The following TBC1D16 variants were observed in gnomAD, a reference collection of about 807,000 sequenced individuals.
TBC1D16 encodes the protein CTD-2529O21.1.
A neutral mutation model predicts 74.7 loss-of-function variants in TBC1D16; 58 were observed. That is an observed-to-expected ratio of 0.78 (90% confidence interval 0.63 to 0.97). The LOEUF (loss-of-function observed/expected upper bound fraction) is 0.97, where lower values mean the gene tolerates loss of function less well. Among genes scored for constraint, TBC1D16 ranks in the 50% least tolerant of loss-of-function variants. The pLI, the probability that TBC1D16 is intolerant of heterozygous loss-of-function variation, is 0.00. For synonymous variants in TBC1D16, 493 were observed against 474.7 expected (o/e 1.04, Z -0.50); for missense variants, 1,014 against 1,079.5 (o/e 0.94, Z 0.85).
intron 3 of TBC1D16, among the ~76,000 whole-genome samples, chr17:79,982,171 G>C (rs2034613894): frequency 1.4e-5 from 2 of 141,794 alleles, no homozygotes; most frequent in Non-Finnish European, 1.5e-5. Context: ...TTTTGAGACC[G>C]AGTCTCACTC....
chr17:79,945,942 C>A (rs1296421548), intron 9 of TBC1D16, among the ~76,000 whole-genome samples: 2 of 152,260 alleles, frequency 1.3e-5, no homozygotes, highest in African/African-American at 4.8e-5. Context: ...GGAGACTGCG[C>A]TGAAGCTGTG....
At position 79,944,893 on chromosome 17, in the gene TBC1D16, C is replaced by G. The variant is rs1193217246; in HGVS notation, c.1908+15G>C. Reference sequence around the variant, plus strand: ...TGGTCCCAACCTCCCCAGCCCTGGCCCCTGCCCTGGTCACCTGGTAGTGGG... The same window carrying G: ...TGGTCCCAACCTCCCCAGCCCTGGCGCCTGCCCTGGTCACCTGGTAGTGGG... On this transcript the variant is annotated intron_variant, in intron 10 of 11. Coordinates refer to ENST00000310924, the MANE Select transcript of TBC1D16 (RefSeq NM_019020.4). This position sits in a 1 kb window ranked among gnomAD's most constrained non-coding sequence, Gnocchi z 7.7. 1.3e-6 allele frequency: 2 copies of G among 1,546,734 alleles called. No homozygotes were observed. Among genetic ancestry groups the G allele is most frequent in the African/African-American group, 2.7e-5 (2 of 73,150 alleles).
intron 3 of TBC1D16, among the ~76,000 whole-genome samples, chr17:79,995,299 CA>C (rs1006495494): frequency 5.0e-4 from 69 of 137,732 alleles, no homozygotes; most frequent in East Asian, 3.0e-3. Flanking sequence ...GACTCCGTTT[CA>C]AAAAAAAAAA....
intron 1 of TBC1D16, among the ~76,000 whole-genome samples, chr17:80,023,659 C>CCCG (rs2036368768): frequency 9.0e-6 from 1 of 111,284 alleles, no homozygotes; most frequent in Non-Finnish European, 2.0e-5. Flanking sequence ...GCTGCCGGGC[C>CCCG]CCCCCCCACC....
rs200859232 is a variant in TBC1D16 at position 79,942,175 on chromosome 17, G to A, written c.1940C>T (p.Ala647Val). Residue 647 changes from alanine (A) to valine (V), a missense_variant, in exon 11 of 12, where the codon GCC becomes GTC. Ala to Val is a moderately conservative substitution (Grantham distance 64, BLOSUM62 0). Coordinates refer to ENST00000310924, the MANE Select transcript of TBC1D16 (RefSeq NM_019020.4). ...GTCATCCCCGTAGATGGCCACGATGGCCACGCAGATGAAAAGGTGGAAGTA... is the reference window on the plus strand; with the variant it reads ...GTCATCCCCGTAGATGGCCACGATGACCACGCAGATGAAAAGGTGGAAGTA... ...TDYFHLFICV[A>V]IVAIYGDDVI... 4 of 1,607,250 alleles carry A rather than the reference G, an allele frequency of 2.5e-6. No individual in the cohort carries two copies. In the East Asian group the frequency reaches 6.7e-5, roughly 27 times the overall value.
In TBC1D16 at chr17:79,941,488, C is replaced by T. The variant is rs916753784; in HGVS notation, c.2056-381G>A. ...TCTCTTCTTCCCCCGCACCTTGCTC[C>T]ACCCCCCACCCCCAGCAGCCTCTCA... On this transcript the variant is annotated intron_variant, in intron 11 of 11. Coordinates refer to ENST00000310924, the MANE Select transcript of TBC1D16 (RefSeq NM_019020.4). The surrounding 1 kb of genome is among the most constrained non-coding windows in gnomAD (Gnocchi z 4.3). Among the ~76,000 whole-genome samples, 5 of 152,106 alleles carry T rather than the reference C, an allele frequency of 3.3e-5. No homozygotes were observed. Among genetic ancestry groups the T allele is most frequent in the African/African-American group, 9.7e-5 (4 of 41,418 alleles).
chr17:79,944,193 G>A lies in TBC1D16; in HGVS notation c.1908+715C>T, dbSNP rs2032303221. 6.0e-6 allele frequency: 9 copies of A among 1,509,394 alleles called. No homozygotes were observed. Among genetic ancestry groups the A allele is most frequent in the South Asian group, 2.4e-5 (2 of 83,448 alleles). 93.5% of individuals were successfully genotyped at this position (1,509,394 alleles called of 1,614,324 possible). A position where few individuals can be genotyped will look rare whatever the true frequency, so the allele number is the denominator to read the frequency against. On this transcript the variant is annotated intron_variant, in intron 10 of 11. Coordinates refer to ENST00000310924, the MANE Select transcript of TBC1D16 (RefSeq NM_019020.4). This position sits in a 1 kb window ranked among gnomAD's most constrained non-coding sequence, Gnocchi z 7.7. Reference sequence around the variant, plus strand: ...GCCTCCATCTTCAGGGTTCTCTGACGGAGGCTGCTGGAGCTGCCGTGGTGG... The same window carrying A: ...GCCTCCATCTTCAGGGTTCTCTGACAGAGGCTGCTGGAGCTGCCGTGGTGG...
rs962113763 is a variant in TBC1D16 at position 79,940,194 on chromosome 17, A to G, written c.*665T>C. ...TGTACCAGGAGGACGAAATGTTTAA[A>G]CGGATAAACATTACAAGCGCCAGCT... On this transcript the variant is annotated 3_prime_UTR_variant, in exon 12 of 12. Coordinates refer to ENST00000310924, the MANE Select transcript of TBC1D16 (RefSeq NM_019020.4). This position sits in a 1 kb window ranked among gnomAD's most constrained non-coding sequence, Gnocchi z 5.4. 1.3e-5 allele frequency: 2 copies of G among 151,902 alleles called. No individual in the cohort carries two copies. Among genetic ancestry groups the G allele is most frequent in the Non-Finnish European group, 2.9e-5 (2 of 67,978 alleles). The allele number at this position is 151,902 out of a possible 1,614,324, so 9.4% of individuals were successfully genotyped here.
rs377597591 is a variant in TBC1D16, at chr17:79,945,237, C to T, written c.1729-150G>A. 699 of 813,532 alleles carry T rather than the reference C, an allele frequency of 8.6e-4. 11 individuals are homozygous for T. In the South Asian group the frequency reaches 0.011, roughly 13 times the overall value. The allele number at this position is 813,532 out of a possible 1,614,324, so 50.4% of individuals were successfully genotyped here. ...CTACCTGCTGCATGTGCCTGCCCCC[C>T]CAACGCTCCATTCCGCCGCTGGAAT... On this transcript the variant is annotated intron_variant, in intron 9 of 11. Coordinates refer to ENST00000310924, the MANE Select transcript of TBC1D16 (RefSeq NM_019020.4).
intron 1 of TBC1D16, among the ~76,000 whole-genome samples, chr17:80,013,941 T>C (rs894773818): frequency 6.6e-6 from 1 of 152,144 alleles, no homozygotes; most frequent in Admixed American, 6.5e-5. Context: ...ACAGAAACTC[T>C]GTTCCCACCT....
Position 79,938,970 on chromosome 17 carries a change from G to A in TBC1D16, c.*1889C>T, listed in dbSNP as rs79477525. 2,260 of 152,862 alleles carry A rather than the reference G, an allele frequency of 0.015. 65 individuals carry two copies. The highest frequency in any genetic ancestry group is 0.05 in the African/African-American group (2,078 of 41,572). The allele number at this position is 152,862 out of a possible 1,614,324, so 9.5% of individuals were successfully genotyped here. On this transcript the variant is annotated 3_prime_UTR_variant, in exon 12 of 12. Coordinates refer to ENST00000310924, the MANE Select transcript of TBC1D16 (RefSeq NM_019020.4). Reference sequence around the variant, plus strand: ...GCCCTAAACAAACAAGCCCAGCCTAGACCAGAAGAATCACCCTGCCCAGAC... The same window carrying A: ...GCCCTAAACAAACAAGCCCAGCCTAAACCAGAAGAATCACCCTGCCCAGAC...
Position 79,941,473 on chromosome 17 carries a change from C to T in TBC1D16, c.2056-366G>A, listed in dbSNP as rs1362341467. Among the ~76,000 whole-genome samples, 1 of 152,144 alleles carries T rather than the reference C, an allele frequency of 6.6e-6. No homozygotes were observed. Among genetic ancestry groups the T allele is most frequent in the Non-Finnish European group, 1.5e-5 (1 of 68,012 alleles). ...CTTTGGCAGCACCCCTCTCTTCTTC[C>T]CCCGCACCTTGCTCCACCCCCCACC... On this transcript the variant is annotated intron_variant, in intron 11 of 11. Coordinates refer to ENST00000310924, the MANE Select transcript of TBC1D16 (RefSeq NM_019020.4). The surrounding 1 kb of genome is among the most constrained non-coding windows in gnomAD (Gnocchi z 4.3).
intron 3 of TBC1D16, among the ~76,000 whole-genome samples, chr17:79,996,986 C>G (rs534161464): frequency 1.3e-5 from 2 of 152,262 alleles, no homozygotes; most frequent in African/African-American, 4.8e-5. Flanking sequence ...CACAGGACAG[C>G]TTGGATAGAG....
chr17:79,944,851 CGGT>C lies in TBC1D16; in HGVS notation c.1908+54_1908+56del. 6.8e-7 allele frequency: 1 copy of C among 1,460,644 alleles called. No individual in the cohort carries two copies. The allele number at this position is 1,460,644 out of a possible 1,614,324, so 90.5% of individuals were successfully genotyped here. ...ACAGGGGCAGCAGGCAGGGTGGCCA[CGGT>C]GGTTCAGGGGCCATGGTCCCAACCT... On this transcript the variant is annotated intron_variant, in intron 10 of 11. Transcript: ENST00000310924. The surrounding 1 kb of genome is among the most constrained non-coding windows in gnomAD (Gnocchi z 7.7).
At chr17:80,006,207 GCTCTCTTT>G (rs915896307) in intron 3 of TBC1D16, among the ~76,000 whole-genome samples, 3 of 148,926 alleles carry the variant, frequency 2.0e-5, no homozygotes, top group African/African-American at 4.9e-5. Flanking sequence ...TCGCTCTCTC[GCTCTCTTT>G]CTCTCTTTCT....
intron 3 of TBC1D16, among the ~76,000 whole-genome samples, chr17:80,002,832 C>T (rs2035541321): frequency 1.3e-5 from 2 of 152,364 alleles, no homozygotes; most frequent in South Asian, 2.1e-4. Flanking sequence ...ACCGCGTGCA[C>T]TGCAGGACGC....
At chr17:80,025,612 AC>A (rs1334571414) in intron 1 of TBC1D16, among the ~76,000 whole-genome samples, 6 of 140,646 alleles carry the variant, frequency 4.3e-5, no homozygotes, top group African/African-American at 1.4e-4. Flanking sequence ...TGCTGGAAGC[AC>A]CCCCCTGCCA....
rs1036568884 is a variant in TBC1D16 at position 80,007,386 on chromosome 17, T to C, written c.779+2774A>G. On this transcript the variant is annotated intron_variant, in intron 3 of 11. Coordinates refer to ENST00000310924, the MANE Select transcript of TBC1D16 (RefSeq NM_019020.4). The surrounding 1 kb of genome is among the most constrained non-coding windows in gnomAD (Gnocchi z 4.5). ...GGCCGCACTTCACACCCGTGAGGCA[T>C]CTGCGTTTTGGATGTGGGAGGTAAT... is the stretch of plus-strand genomic sequence containing the variant. Among the ~76,000 whole-genome samples the C allele has an allele frequency of 3.3e-5, 5 of 152,220 alleles. No homozygotes were observed. Among genetic ancestry groups the C allele is most frequent in the Non-Finnish European group, 7.3e-5 (5 of 68,044 alleles).
At chr17:79,970,119 C>A (rs1255948961) in intron 3 of TBC1D16, among the ~76,000 whole-genome samples, 1 of 152,104 alleles carries the variant, frequency 6.6e-6, no homozygotes, top group African/African-American at 2.4e-5. Context: ...GAATGAAGTA[C>A]CGGCCTGTTA....
Sources: allele counts gnomAD v4.1 joint callset (sites outside exome capture counted in the v4.1 genomes callset), GRCh38; gene constraint gnomAD v4.1.1; non-coding constraint Gnocchi (gnomAD v3.1); transcripts MANE v1.5; gene names NCBI Gene and HGNC (gene_info 2026-07-23, HGNC 2026-07-21).